Variants in UBQLN1 observed in about 807,000 individuals in gnomAD.
UBQLN1 encodes ubiquilin 1.
A neutral mutation model predicts 65.4 loss-of-function variants in UBQLN1; 13 were observed. The observed-to-expected ratio is 0.20, with a 90% CI of 0.13 to 0.32. The LOEUF (loss-of-function observed/expected upper bound fraction) is 0.32. UBQLN1 is among the 10% of genes least tolerant of loss of function. The pLI is 1.00. For synonymous variants in UBQLN1, 267 were observed against 247.8 expected (o/e 1.08, Z -0.73); for missense variants, 561 against 724.0 (o/e 0.77, Z 2.58).
chr9:83,668,077 T>C (rs1831671759), intron 7 of UBQLN1: 2 of 985,240 alleles, frequency 2.0e-6, no homozygotes, highest in African/African-American at 1.7e-5. Flanking sequence ...TATGGTAAAT[T>C]GAAGCATTTA....
chr9:83,707,806 G>A lies in UBQLN1; in HGVS notation c.-127C>T, dbSNP rs1832444488. On this transcript the variant is annotated 5_prime_UTR_variant, in exon 1 of 11. Coordinates refer to ENST00000376395, the MANE Select transcript of UBQLN1 (RefSeq NM_013438.5). Reference sequence around the variant, plus strand: ...GAATGCAGAGCACGCCGCCTCAGTAGCAACGGGCGCAGGGCCACCGTAGCG... The same window carrying A: ...GAATGCAGAGCACGCCGCCTCAGTAACAACGGGCGCAGGGCCACCGTAGCG... The A allele has an allele frequency of 7.5e-7, 1 of 1,337,896 alleles. No individual in the cohort carries two copies. Among genetic ancestry groups the A allele is most frequent in the African/African-American group, 1.6e-5 (1 of 64,264 alleles). 82.9% of individuals were successfully genotyped at this position (1,337,896 alleles called of 1,614,324 possible).
At chr9:83,702,502 A>T (rs1040896848) in intron 1 of UBQLN1, among the ~76,000 whole-genome samples, 2 of 152,188 alleles carry the variant, frequency 1.3e-5, no homozygotes, top group African/African-American at 4.8e-5. Flanking sequence ...AATATATATA[A>T]GCCACAAGTA....
chr9:83,661,772 G>A lies in UBQLN1; in HGVS notation c.*15C>T, dbSNP rs201074120. On this transcript the variant is annotated 3_prime_UTR_variant, in exon 11 of 11. Coordinates refer to ENST00000376395, the MANE Select transcript of UBQLN1 (RefSeq NM_013438.5). The stretch of plus-strand genomic sequence containing the variant: ...TCAAAAATAAATTACATTTTTTCAA[G>A]ATACAGAAATGCTGCTATGATGGCT... 1.3e-6 allele frequency: 2 copies of A among 1,566,334 alleles called. No individual in the cohort carries two copies. The highest frequency in any genetic ancestry group is 2.3e-5 in the South Asian group (2 of 85,246).
Position 83,691,119 on chromosome 9 carries a change from C to G in UBQLN1, c.181-4964G>C, listed in dbSNP as rs185085560. On this transcript the variant is annotated intron_variant, in intron 1 of 10. Coordinates refer to ENST00000376395, the MANE Select transcript of UBQLN1 (RefSeq NM_013438.5). ...CGCCACTGCACTCCAGCCTGGGTGA[C>G]AGAGAGGCACTCGTCTCAAAAAAAT... Among the ~76,000 whole-genome samples, 93 of 152,026 alleles carry G rather than the reference C, an allele frequency of 6.1e-4. 1 individual carries two copies. The East Asian group carries it at 9.7e-3, about 16-fold the overall frequency.
At chr9:83,668,248 C>T in intron 7 of UBQLN1, 1 of 984,836 alleles carries the variant, frequency 1.0e-6, no homozygotes, top group Non-Finnish European at 1.2e-6. Context: ...GAGAATTATA[C>T]ACAAAGATAC....
chr9:83,668,730 G>C, intron 7 of UBQLN1: 1 of 751,142 alleles, frequency 1.3e-6, no homozygotes. Context: ...ACATTGTTCT[G>C]ACAAATTCCC....
At chr9:83,664,349 G>A (rs1831608810) in intron 9 of UBQLN1, among the ~76,000 whole-genome samples, 1 of 152,138 alleles carries the variant, frequency 6.6e-6, no homozygotes, top group African/African-American at 2.4e-5. Context: ...AGCCCAGGAG[G>A]TAGAGGCTGA....
intron 7 of UBQLN1, chr9:83,666,867 G>A (rs563987641): frequency 3.3e-4 from 50 of 153,366 alleles, no homozygotes; most frequent in Admixed American, 1.6e-3. Context: ...CACACAAGTG[G>A]CAGGCACAGA....
At chr9:83,665,569 C>T (rs150790486) in intron 8 of UBQLN1, among the ~76,000 whole-genome samples, 2 of 152,322 alleles carry the variant, frequency 1.3e-5, no homozygotes, top group East Asian at 3.9e-4. Flanking sequence ...GTAAGGTACA[C>T]TCTAAAACAA....
chr9:83,703,906 C>T (rs1354056156), intron 1 of UBQLN1, among the ~76,000 whole-genome samples: 1 of 152,174 alleles, frequency 6.6e-6, no homozygotes, highest in Non-Finnish European at 1.5e-5. Context: ...TACCACCTTA[C>T]AATTTACCCA....
intron 1 of UBQLN1, among the ~76,000 whole-genome samples, chr9:83,692,373 ATTTGAAC>A (rs1832142655): frequency 1.3e-5 from 2 of 152,174 alleles, no homozygotes; most frequent in Non-Finnish European, 2.9e-5. Context: ...TATCACTAAC[ATTTGAAC>A]GTAACTTCCT....
intron 6 of UBQLN1, among the ~76,000 whole-genome samples, chr9:83,672,243 T>C (rs1362403766): frequency 6.6e-6 from 1 of 152,240 alleles, no homozygotes; most frequent in Non-Finnish European, 1.5e-5. Context: ...TTTGCTTTCT[T>C]GTCATTCATG....
rs1831969783 is a variant in UBQLN1 at position 83,682,962 on chromosome 9, G to A, written c.437C>T (p.Pro146Leu). 1 of 1,607,652 alleles carries A rather than the reference G, an allele frequency of 6.2e-7. No individual in the cohort carries two copies. Among genetic ancestry groups the A allele is most frequent in the Non-Finnish European group, 8.5e-7 (1 of 1,175,622 alleles). Reference protein sequence around the residue: ...NSTSGSATSNPFGLGGLGGLA... With the variant: ...NSTSGSATSNLFGLGGLGGLA... ...CTAAAGACACTTACCTAAACCAAAA[G>A]GGTTGCTAGTAGCAGAACCAGATGT... The change falls in exon 3 of 11, where the codon CCT becomes CTT. Residue 146 changes from proline (P) to leucine (L), a missense_variant. Pro to Leu is a moderately conservative substitution (Grantham distance 98). Transcript: ENST00000376395.
Position 83,678,585 on chromosome 9 carries a change from G to A in UBQLN1, c.726C>T (p.Ala242=). The change falls in exon 5 of 11, where the codon GCC becomes GCT. Residue 242 remains alanine, a synonymous_variant. Transcript: ENST00000376395. ...TCTCCTGCATCATTGCTGGATTCCT[G>A]GCAAGTTCCAACGTCTACGAAAAAT... The part of the protein sequence containing the change: ...PDIMRQTLEL[A]RNPAMMQEMM... 1.9e-6 allele frequency: 3 copies of A among 1,604,918 alleles called. No individual in the cohort carries two copies. Among genetic ancestry groups the A allele is most frequent in the Non-Finnish European group, 2.5e-6 (3 of 1,177,186 alleles).
At chr9:83,705,402 A>T (rs757421024) in intron 1 of UBQLN1, among the ~76,000 whole-genome samples, 7 of 152,094 alleles carry the variant, frequency 4.6e-5, no homozygotes, top group Non-Finnish European at 1.0e-4. Flanking sequence ...GGTGCCTGCC[A>T]CCACGCCCAG....
chr9:83,701,835 C>T (rs947679383), intron 1 of UBQLN1, among the ~76,000 whole-genome samples: 6 of 152,098 alleles, frequency 3.9e-5, no homozygotes, highest in African/African-American at 1.4e-4. Context: ...AAAATGAAAA[C>T]GTTATGTCCC....
intron 1 of UBQLN1, among the ~76,000 whole-genome samples, chr9:83,704,566 C>T (rs542715588): frequency 1.3e-5 from 2 of 152,298 alleles, no homozygotes; most frequent in South Asian, 2.1e-4. Flanking sequence ...GTGGTTCACA[C>T]CTGTAATCCT....
intron 6 of UBQLN1, among the ~76,000 whole-genome samples, chr9:83,671,954 A>G (rs2131150039): frequency 6.6e-6 from 1 of 152,310 alleles, no homozygotes; most frequent in South Asian, 2.1e-4. Context: ...TGATCTTAGG[A>G]GATCTTCTGG....
In UBQLN1 at chr9:83,702,749, G is replaced by A. The variant is rs549673482; in HGVS notation, c.180+4751C>T. Among the ~76,000 whole-genome samples, 45 of 151,856 alleles carry A rather than the reference G, an allele frequency of 3.0e-4. 1 individual carries two copies. Among genetic ancestry groups the A allele is most frequent in the African/African-American group, 1.1e-3 (44 of 41,380 alleles). On this transcript the variant is annotated intron_variant, in intron 1 of 10. Coordinates refer to ENST00000376395, the MANE Select transcript of UBQLN1 (RefSeq NM_013438.5). Reference sequence around the variant, plus strand: ...ACATGTGGGTGATGGTATCAAAGTGGACAGTATAGTTCTAGATCCACACTA... The same window carrying A: ...ACATGTGGGTGATGGTATCAAAGTGAACAGTATAGTTCTAGATCCACACTA...
Sources: gnomAD v4.1 joint callset for allele counts (sites outside exome capture counted in the v4.1 genomes callset) on GRCh38, gnomAD v4.1.1 for gene constraint, MANE v1.5 for transcripts, NCBI Gene and HGNC (gene_info 2026-07-23, HGNC 2026-07-21) for gene names.